Variants in CRACD observed in about 807,000 individuals in gnomAD.
The protein encoded by CRACD is capping protein inhibiting regulator of actin dynamics.
A neutral mutation model predicts 106.8 loss-of-function variants in CRACD; 56 were observed. The ratio of observed to expected loss-of-function variants is 0.52; its 90% CI spans 0.42 to 0.66. The LOEUF (loss-of-function observed/expected upper bound fraction) is 0.66. Among genes scored for constraint, CRACD ranks in the 30% least tolerant of loss-of-function variants. CRACD has a pLI of 0.00. For synonymous variants in CRACD, 754 were observed against 670.8 expected, an observed-to-expected ratio of 1.12 and a Z score of -1.92; for missense variants, 1,730 against 1,623.2, an observed-to-expected ratio of 1.07 and a Z score of -1.13.
At chr4:56,324,796 A>C (rs975575238) in intron 10 of CRACD, among the ~76,000 whole-genome samples, 2 of 152,216 alleles carry the variant, frequency 1.3e-5, no homozygotes, top group African/African-American at 4.8e-5. Flanking sequence ...TAATAAGTCA[A>C]ATCAAAGCCA....
chr4:56,313,897 GT>G (rs972973808), intron 7 of CRACD, 142 bp from the exon 8 acceptor site: 2 of 1,125,738 alleles, frequency 1.8e-6, no homozygotes, highest in Non-Finnish European at 2.5e-6. Flanking sequence ...CGATGCCTGA[GT>G]TTAGCTATCC....
At chr4:56,313,108 C>A in intron 6 of CRACD, 89 bp from the exon 7 acceptor site, 1 of 1,184,716 alleles carries the variant, frequency 8.4e-7, no homozygotes. Flanking sequence ...CTGGGCGAGG[C>A]GCACACTGGA....
intron 1 of CRACD, among the ~76,000 whole-genome samples, chr4:56,171,910 C>T (rs763320771): frequency 6.6e-6 from 1 of 152,028 alleles, no homozygotes; most frequent in Non-Finnish European, 1.5e-5. Context: ...TCTGTTGAAC[C>T]TGCATGTTCC....
At chr4:56,323,330 C>A (rs764313091) in intron 8 of CRACD, 47 bp from the exon 9 acceptor site, 4 of 1,528,394 alleles carry the variant, frequency 2.6e-6, no homozygotes, top group African/African-American at 2.8e-5. Flanking sequence ...TGAGGTAAGT[C>A]CGCAGTTAAG....
chr4:56,111,996 A>G (rs1277633460), intron 1 of CRACD, among the ~76,000 whole-genome samples: 1 of 152,074 alleles, frequency 6.6e-6, no homozygotes, highest in Admixed American at 6.6e-5. Flanking sequence ...CTTTTCAAAA[A>G]CCTTTTTTCT....
intron 2 of CRACD, among the ~76,000 whole-genome samples, chr4:56,242,951 G>A (rs1740453566): frequency 6.6e-6 from 1 of 152,172 alleles, no homozygotes; most frequent in Admixed American, 6.5e-5. Context: ...CACCCCTAGA[G>A]CGCATGAGCC....
intron 2 of CRACD, among the ~76,000 whole-genome samples, chr4:56,188,507 T>A (rs1039923059): frequency 6.6e-6 from 1 of 151,858 alleles, no homozygotes; most frequent in African/African-American, 2.4e-5. Flanking sequence ...TAGCTGTCCT[T>A]AAAGGATAAA....
chr4:56,139,595 C>T (rs1196458038), intron 1 of CRACD, among the ~76,000 whole-genome samples: 1 of 152,194 alleles, frequency 6.6e-6, no homozygotes, highest in African/African-American at 2.4e-5. Context: ...TGTGTCATGG[C>T]ATCTGAATCT....
At chr4:56,129,740 A>G (rs1734765920) in intron 1 of CRACD, among the ~76,000 whole-genome samples, 1 of 152,160 alleles carries the variant, frequency 6.6e-6, no homozygotes, top group Admixed American at 6.5e-5. Context: ...GGCCCAGAAA[A>G]AGCTTACAGT....
chr4:56,200,344 A>G (rs1377245715), intron 2 of CRACD, among the ~76,000 whole-genome samples: 1 of 152,208 alleles, frequency 6.6e-6, no homozygotes, highest in Non-Finnish European at 1.5e-5. Flanking sequence ...CCAGAACCTG[A>G]GTCAGATTAG....
intron 1 of CRACD, among the ~76,000 whole-genome samples, chr4:56,054,690 A>T (rs1203580387): frequency 6.6e-6 from 1 of 152,260 alleles, no homozygotes; most frequent in Non-Finnish European, 1.5e-5. Flanking sequence ...AAATAAAAAA[A>T]CTGAGTAACA....
chr4:56,069,479 G>T (rs1030962716), intron 1 of CRACD, among the ~76,000 whole-genome samples: 7 of 152,092 alleles, frequency 4.6e-5, no homozygotes, highest in African/African-American at 1.7e-4. Context: ...GCAGAGATTG[G>T]GCCAGTGAGA....
chr4:56,307,722 C>T, intron 5 of CRACD, 23 bp downstream of exon 5: 1 of 1,612,740 alleles, frequency 6.2e-7, no homozygotes, highest in East Asian at 2.2e-5. Context: ...CAGGGAATGA[C>T]TTGATGGCTC....
chr4:56,123,875 A>ACTTATTT (rs1488704439), intron 1 of CRACD, among the ~76,000 whole-genome samples: 5 of 152,202 alleles, frequency 3.3e-5, no homozygotes, highest in African/African-American at 9.6e-5. Context: ...CCAGAATCTG[A>ACTTATTT]ACAACCATGT....
chr4:56,049,690 GGATCGCGGACGCCGTC>G (rs996349285), intron 1 of CRACD, among the ~76,000 whole-genome samples: 2 of 152,128 alleles, frequency 1.3e-5, no homozygotes, highest in African/African-American at 4.8e-5. Flanking sequence ...TCACCGTCCG[GGATCGCGGACGCCGTC>G]CGGGCTCAGC....
chr4:56,174,264 C>CCAT (rs576748234), intron 1 of CRACD, among the ~76,000 whole-genome samples: 52 of 152,136 alleles, frequency 3.4e-4, no homozygotes, highest in Non-Finnish European at 6.9e-4. Context: ...ACTGGCACAT[C>CCAT]CATCACCTCA....
chr4:56,135,158 C>T (rs189507886), intron 1 of CRACD, among the ~76,000 whole-genome samples: 24 of 152,200 alleles, frequency 1.6e-4, no homozygotes, highest in African/African-American at 5.1e-4. Flanking sequence ...TGGCGGTATG[C>T]GCCTGTAATC....
chr4:56,264,251 A>G (rs1741870963), intron 2 of CRACD, among the ~76,000 whole-genome samples: 1 of 152,178 alleles, frequency 6.6e-6, no homozygotes, highest in South Asian at 2.1e-4. Flanking sequence ...ATCACAATTC[A>G]ACATGAGATT....
chr4:56,323,492 G>A lies in CRACD; in HGVS notation c.3303G>A (p.Arg1101=), dbSNP rs771883801. The change falls in exon 9 of 11, where the codon CGG becomes CGA. Residue 1101 remains arginine (R), a synonymous_variant. Coordinates refer to ENST00000682029, the MANE Select transcript of CRACD (RefSeq NM_001393381.1). ...CACTGCAAAAGCAAAAGGGGTTTCGGGAGCAGCAGGCGACGCGGGAGGAGA... is the reference window on the plus strand; with the variant it reads ...CACTGCAAAAGCAAAAGGGGTTTCGAGAGCAGCAGGCGACGCGGGAGGAGA... ...TLALQKQKGF[R]EQQATREERK... is the part of the protein sequence containing the mutation. The A allele has an allele frequency of 1.9e-6, 3 of 1,609,494 alleles. No individual in the cohort carries two copies. The highest frequency in any genetic ancestry group is 1.7e-6 in the Non-Finnish European group (2 of 1,178,818).
Sources: gnomAD v4.1 joint callset for allele counts (sites outside exome capture counted in the v4.1 genomes callset) on GRCh38, gnomAD v4.1.1 for gene constraint, MANE v1.5 for transcripts, NCBI Gene and HGNC (gene_info 2026-07-23, HGNC 2026-07-21) for gene names.